The following STPG4 variants were observed in gnomAD, a reference collection of about 807,000 sequenced individuals.
STPG4 encodes protein STPG4.
STPG4 carries 41 observed loss-of-function variants against 31.5 expected under a neutral mutation model. That is an observed-to-expected ratio of 1.30 (90% CI 1.01 to 1.69). The LOEUF (loss-of-function observed/expected upper bound fraction) is 1.69. STPG4 is among the 40% of genes most tolerant of loss of function. The pLI is 0.00. For missense variants in STPG4, 375 were observed against 293.4 expected, an observed-to-expected ratio of 1.28 and a Z score of -2.03; for synonymous variants, 141 against 103.0, an observed-to-expected ratio of 1.37 and a Z score of -2.24.
intron 5 of STPG4, among the ~76,000 whole-genome samples, chr2:47,096,947 T>C (rs551148013): frequency 6.6e-6 from 1 of 151,896 alleles, no homozygotes; most frequent in Admixed American, 6.6e-5. Context: ...TTATGGTGAG[T>C]TCACAGTGAG....
Position 47,102,151 on chromosome 2 carries a change from C to T in STPG4, c.520-11777G>A, listed in dbSNP as rs6707110. Among the ~76,000 whole-genome samples, 752 of 142,116 alleles carry T rather than the reference C, an allele frequency of 5.3e-3. 18 individuals are homozygous for T. Among genetic ancestry groups the T allele is most frequent in the African/African-American group, 0.016 (579 of 36,422 alleles). 93.2% of individuals were successfully genotyped at this position (142,116 alleles called of 152,430 possible). On this transcript the variant is annotated intron_variant, in intron 5 of 6. Coordinates refer to ENST00000445927, the MANE Select transcript of STPG4 (RefSeq NM_001163561.2). ...ATTCCGATCAGCAGGGTCCGGGGAC[C>T]GTTGCAGGTTCTTGGGCAGGGGTTG...
chr2:47,094,126 A>T (rs1685626309), intron 5 of STPG4, among the ~76,000 whole-genome samples: 1 of 152,210 alleles, frequency 6.6e-6, no homozygotes, highest in Non-Finnish European at 1.5e-5. Context: ...TGGGTCTCAC[A>T]TTGTGTATGA....
chr2:47,107,392 C>T (rs958307558), intron 5 of STPG4, among the ~76,000 whole-genome samples: 7 of 152,162 alleles, frequency 4.6e-5, no homozygotes, highest in African/African-American at 9.7e-5. Context: ...CCGGCCCTGC[C>T]GGCCCCGGGC....
chr2:47,142,209 T>C (rs1686726198), intron 3 of STPG4, among the ~76,000 whole-genome samples: 1 of 151,958 alleles, frequency 6.6e-6, no homozygotes, highest in Non-Finnish European at 1.5e-5. Context: ...CATATTCAAA[T>C]GGATCCTTTG....
intron 5 of STPG4, among the ~76,000 whole-genome samples, chr2:47,109,450 G>C (rs181706397): frequency 1.3e-5 from 2 of 151,928 alleles, no homozygotes; most frequent in Non-Finnish European, 2.9e-5. Flanking sequence ...CCAGCTACTG[G>C]GGAAGCTGAG....
intron 5 of STPG4, among the ~76,000 whole-genome samples, chr2:47,106,466 A>G (rs1394233364): frequency 6.6e-6 from 1 of 151,988 alleles, no homozygotes; most frequent in South Asian, 2.1e-4. Flanking sequence ...TTATCCTACT[A>G]CCACACACTC....
In STPG4 at chr2:47,121,422, C is replaced by T. The variant is rs553387646; in HGVS notation, c.519+8519G>A. Among the ~76,000 whole-genome samples the T allele has an allele frequency of 7.9e-4, 120 of 152,244 alleles. 1 individual carries two copies. Among genetic ancestry groups the T allele is most frequent in the South Asian group, 3.3e-3 (16 of 4,822 alleles). On this transcript the variant is annotated intron_variant, in intron 5 of 6. Transcript: ENST00000445927. ...CAGCTCCCAGAACACTGACAGCTGG[C>T]TTAAACCCCAGGCAGGAAGCTGATG... is the stretch of plus-strand genomic sequence containing the variant.
rs909572205 is a variant in STPG4, at chr2:47,155,291, T to G, written c.-40A>C. 1.0e-5 allele frequency: 16 copies of G among 1,607,254 alleles called. No individual in the cohort carries two copies. The highest frequency in any genetic ancestry group is 1.4e-5 in the Non-Finnish European group (16 of 1,174,348). ...TCTCTAGGCTGAACCTGAGCTCCGG[T>G]TGCTAGGAGGCGGGTGTGGCCCGTG... On this transcript the variant is annotated 5_prime_UTR_variant, in exon 1 of 7. Coordinates refer to ENST00000445927, the MANE Select transcript of STPG4 (RefSeq NM_001163561.2).
intron 3 of STPG4, among the ~76,000 whole-genome samples, chr2:47,135,018 G>A (rs768290115): frequency 1.3e-5 from 2 of 152,134 alleles, no homozygotes; most frequent in Non-Finnish European, 2.9e-5. Flanking sequence ...GTATATTAAG[G>A]AGTTTGGCCA....
At chr2:47,150,177 C>G (rs1686906979) in intron 3 of STPG4, among the ~76,000 whole-genome samples, 1 of 152,156 alleles carries the variant, frequency 6.6e-6, no homozygotes, top group South Asian at 2.1e-4. Context: ...CATAGTAAAC[C>G]ATTAAGAGCC....
At chr2:47,117,248 T>C (rs1686171116) in intron 5 of STPG4, among the ~76,000 whole-genome samples, 1 of 152,224 alleles carries the variant, frequency 6.6e-6, no homozygotes, top group South Asian at 2.1e-4. Context: ...TCGCTCTTGT[T>C]GCCCAGGCCA....
intron 5 of STPG4, among the ~76,000 whole-genome samples, chr2:47,123,675 C>G (rs560295279): frequency 6.6e-6 from 1 of 151,942 alleles, no homozygotes; most frequent in African/African-American, 2.4e-5. Flanking sequence ...ACTCATTTCT[C>G]GTATATCTTC....
At chr2:47,136,152 CT>C (rs776045420) in intron 3 of STPG4, among the ~76,000 whole-genome samples, 18 of 149,038 alleles carry the variant, frequency 1.2e-4, no homozygotes, top group Middle Eastern at 3.5e-3. Context: ...TGATTTCTTT[CT>C]TTTTTTTTTG....
chr2:47,144,676 G>C (rs1289111159), intron 3 of STPG4, among the ~76,000 whole-genome samples: 1 of 152,052 alleles, frequency 6.6e-6, no homozygotes, highest in South Asian at 2.1e-4. Flanking sequence ...CCTTCCCACT[G>C]CTGACCACTA....
At chr2:47,118,094 T>A (rs912363979) in intron 5 of STPG4, among the ~76,000 whole-genome samples, 4 of 152,046 alleles carry the variant, frequency 2.6e-5, no homozygotes, top group African/African-American at 9.7e-5. Context: ...GGCTTTAGGT[T>A]TTAAGCGAGT....
At chr2:47,149,751 A>T (rs769614339) in intron 3 of STPG4, among the ~76,000 whole-genome samples, 5 of 152,218 alleles carry the variant, frequency 3.3e-5, no homozygotes, top group African/African-American at 1.2e-4. Context: ...TTATTAGCTT[A>T]TTTATAAATG....
At chr2:47,105,434 G>C (rs1685889647) in intron 5 of STPG4, among the ~76,000 whole-genome samples, 1 of 152,016 alleles carries the variant, frequency 6.6e-6, no homozygotes. Flanking sequence ...TGCCTACTTA[G>C]ATACCAGGCG....
intron 5 of STPG4, chr2:47,108,791 A>C (rs1685977213): frequency 6.6e-6 from 1 of 152,258 alleles, no homozygotes; most frequent in South Asian, 2.1e-4. Context: ...TGACCAGAGG[A>C]TCCCCTGTTC....
chr2:47,142,545 T>A (rs1173337353), intron 3 of STPG4, among the ~76,000 whole-genome samples: 3 of 152,142 alleles, frequency 2.0e-5, no homozygotes, highest in Admixed American at 2.0e-4. Flanking sequence ...CAAATGGGCA[T>A]GATTGAAAGA....
Sources: allele counts gnomAD v4.1 joint callset (sites outside exome capture counted in the v4.1 genomes callset), GRCh38; gene constraint gnomAD v4.1.1; transcripts MANE v1.5; gene names NCBI Gene and HGNC (gene_info 2026-07-23, HGNC 2026-07-21).